CSMD3: variants seen among roughly 807,000 people sequenced by gnomAD.
CSMD3 encodes the protein CUB and Sushi multiple domains 3.
Under a neutral mutation model 435.2 loss-of-function variants are expected in CSMD3, and 177 were observed. That is an observed-to-expected ratio of 0.41 (90% CI 0.36 to 0.46). The LOEUF (loss-of-function observed/expected upper bound fraction) is 0.46, where lower values mean the gene tolerates loss of function less well. Ranked by LOEUF, CSMD3 falls within the 20% of genes least tolerant of loss-of-function variation. The pLI is 0.34. For missense variants in CSMD3, 4,265 were observed against 4,504.6 expected (o/e 0.95, Z 1.52); for synonymous variants, 1,656 against 1,520.5 (o/e 1.09, Z -2.07).
At chr8:113,101,865 A>C (rs1438127595) in intron 4 of CSMD3, among the ~76,000 whole-genome samples, 1 of 152,034 alleles carries the variant, frequency 6.6e-6, no homozygotes, top group Admixed American at 6.6e-5. Context: ...TGTTAGATTA[A>C]AAAAAATTTT....
chr8:113,347,650 A>G (rs1727723399), intron 1 of CSMD3, among the ~76,000 whole-genome samples: 1 of 152,230 alleles, frequency 6.6e-6, no homozygotes, highest in African/African-American at 2.4e-5. Context: ...ATAAATTGTC[A>G]CTGAATTGGC....
At chr8:112,705,247 G>A (rs1264410048) in intron 13 of CSMD3, among the ~76,000 whole-genome samples, 3 of 151,936 alleles carry the variant, frequency 2.0e-5, no homozygotes, top group Non-Finnish European at 4.4e-5. Flanking sequence ...GATATCCTAG[G>A]AAGAAAAGAA....
intron 2 of CSMD3, chr8:113,310,977 C>T (rs1332541989): frequency 6.6e-6 from 1 of 151,794 alleles, no homozygotes; most frequent in Non-Finnish European, 1.5e-5. Context: ...TACAAAGATT[C>T]TAATCACACA....
At chr8:113,138,437 T>C (rs1247650245) in intron 4 of CSMD3, among the ~76,000 whole-genome samples, 2 of 151,498 alleles carry the variant, frequency 1.3e-5, no homozygotes, top group Non-Finnish European at 3.0e-5. Flanking sequence ...TAAATTGTAG[T>C]TCTCATCAAA....
At chr8:113,428,257 T>G (rs1300633003) in intron 1 of CSMD3, among the ~76,000 whole-genome samples, 2 of 146,430 alleles carry the variant, frequency 1.4e-5, no homozygotes, top group African/African-American at 5.3e-5. Flanking sequence ...TCTATCTATC[T>G]ATCTTTCTGT....
chr8:112,875,022 TCA>T (rs1432906351), intron 10 of CSMD3, among the ~76,000 whole-genome samples: 1 of 152,220 alleles, frequency 6.6e-6, no homozygotes, highest in Non-Finnish European at 1.5e-5. Context: ...TCGATGGACT[TCA>T]CAGTTTGGTA....
At chr8:112,665,904 C>G (rs775552393) in intron 17 of CSMD3, among the ~76,000 whole-genome samples, 2 of 152,044 alleles carry the variant, frequency 1.3e-5, no homozygotes, top group Non-Finnish European at 2.9e-5. Flanking sequence ...TTAGACTGCA[C>G]TAGTGTTGAT....
intron 13 of CSMD3, among the ~76,000 whole-genome samples, chr8:112,751,083 A>C (rs1474909638): frequency 6.6e-6 from 1 of 152,092 alleles, no homozygotes; most frequent in Non-Finnish European, 1.5e-5. Context: ...TTAAAAAAAA[A>C]AAATAGAATT....
intron 45 of CSMD3, among the ~76,000 whole-genome samples, chr8:112,334,873 GAC>G (rs926701997): frequency 1.9e-4 from 29 of 152,288 alleles, no homozygotes; most frequent in African/African-American, 6.3e-4. Flanking sequence ...TTCTAGAATA[GAC>G]ACAGTTTTGA....
chr8:112,618,841 C>T (rs2131504584), intron 22 of CSMD3, among the ~76,000 whole-genome samples: 1 of 152,168 alleles, frequency 6.6e-6, no homozygotes, highest in African/African-American at 2.4e-5. Context: ...AAGTTAACTC[C>T]TATAACTGTT....
intron 33 of CSMD3, 135 bp from the exon 34 acceptor site, chr8:112,408,548 A>G (rs182053628): frequency 2.8e-6 from 2 of 707,206 alleles, no homozygotes; most frequent in Admixed American, 4.2e-5. Context: ...AATATCCTAC[A>G]ACTACCAATA....
rs2129764979 is a variant in CSMD3, at chr8:112,224,903, T to A, written c.10992A>T (p.Gly3664=). ...CATTGTTATTTTCATGAACTGAACA[T>A]CCTGTATACTGTGTTTTAGGTGCAG... ...QRTAPKTQYT[G]CSVHENNNGQ... is the part of the protein sequence containing the mutation. The change falls in exon 71 of 71, where the codon GGA becomes GGT. Residue 3664 remains glycine, a synonymous_variant. Transcript: ENST00000297405. 1 of 1,614,086 alleles carries A rather than the reference T, an allele frequency of 6.2e-7. No individual in the cohort carries two copies. The highest frequency in any genetic ancestry group is 8.5e-7 in the Non-Finnish European group (1 of 1,179,924).
At chr8:112,985,512 A>T (rs1440139596) in intron 6 of CSMD3, among the ~76,000 whole-genome samples, 1 of 152,142 alleles carries the variant, frequency 6.6e-6, no homozygotes, top group Non-Finnish European at 1.5e-5. Context: ...ACAAGGTATT[A>T]AAGAGCTACA....
At chr8:112,887,435 C>T (rs989263818) in intron 10 of CSMD3, among the ~76,000 whole-genome samples, 17 of 150,206 alleles carry the variant, frequency 1.1e-4, no homozygotes, top group African/African-American at 2.9e-4. Flanking sequence ...ATCTGCAACA[C>T]GAATATATAT....
At chr8:112,365,772 G>T (rs1017973151) in intron 38 of CSMD3, among the ~76,000 whole-genome samples, 6 of 152,124 alleles carry the variant, frequency 3.9e-5, no homozygotes, top group Non-Finnish European at 8.8e-5. Context: ...GAGAGAAGAA[G>T]ATGAAGCCTG....
chr8:113,072,431 G>T (rs184479195), intron 5 of CSMD3, among the ~76,000 whole-genome samples: 1 of 151,298 alleles, frequency 6.6e-6, no homozygotes, highest in East Asian at 1.9e-4. Context: ...GTTAGCTGTG[G>T]GTCTTTCATA....
At chr8:113,071,529 T>G (rs945665310) in intron 5 of CSMD3, among the ~76,000 whole-genome samples, 1 of 151,924 alleles carries the variant, frequency 6.6e-6, no homozygotes, top group African/African-American at 2.4e-5. Context: ...TCATTCTTCT[T>G]CGTGTAGATA....
At chr8:112,239,282 T>G (rs1813884003) in intron 66 of CSMD3, among the ~76,000 whole-genome samples, 1 of 152,090 alleles carries the variant, frequency 6.6e-6, no homozygotes, top group African/African-American at 2.4e-5. Context: ...TCAATTAAAC[T>G]CCTTTAAATT....
chr8:113,026,081 G>A (rs1003305664), intron 5 of CSMD3, among the ~76,000 whole-genome samples: 5 of 152,184 alleles, frequency 3.3e-5, no homozygotes, highest in African/African-American at 1.2e-4. Flanking sequence ...TCACTCTGGA[G>A]CAATGCAGCC....
Sources: allele counts gnomAD v4.1 joint callset (sites outside exome capture counted in the v4.1 genomes callset), GRCh38; gene constraint gnomAD v4.1.1; transcripts MANE v1.5; gene names NCBI Gene and HGNC (gene_info 2026-07-23, HGNC 2026-07-21).